Variants in BCAS3 observed in about 807,000 individuals in gnomAD.
BCAS3 encodes BCAS3 microtubule associated cell migration factor.
In BCAS3, 53 loss-of-function variants were observed where a neutral mutation model predicts 116.1. The ratio of observed to expected loss-of-function variants is 0.46; its 90% CI spans 0.37 to 0.57. The LOEUF is 0.57. Ranked by LOEUF, BCAS3 falls within the 20% of genes least tolerant of loss-of-function variation. The pLI is 0.00. For missense variants in BCAS3, 917 were observed against 1,165.4 expected (o/e 0.79, Z 3.10); for synonymous variants, 391 against 408.2 (o/e 0.96, Z 0.51).
intron 6 of BCAS3, among the ~76,000 whole-genome samples, chr17:60,759,438 C>G (rs1294309263): frequency 6.6e-6 from 1 of 152,090 alleles, no homozygotes; most frequent in Non-Finnish European, 1.5e-5. Flanking sequence ...GATTTTCTGT[C>G]TGAGTGATCT....
intron 6 of BCAS3, among the ~76,000 whole-genome samples, chr17:60,757,046 G>C (rs10853021): frequency 0.73 from 110,194 of 151,786 alleles, 45,689 homozygotes; most frequent in South Asian, 0.98. Context: ...GCCTGTAGTC[G>C]CAGCTACTCG....
intron 22 of BCAS3, among the ~76,000 whole-genome samples, chr17:61,257,312 G>A (rs560639732): frequency 2.7e-5 from 4 of 150,916 alleles, no homozygotes; most frequent in Admixed American, 1.3e-4. Flanking sequence ...TCCCAGCTAC[G>A]CAGGAGGCTA....
chr17:60,900,228 T>C (rs2057794945), intron 10 of BCAS3: 1 of 151,392 alleles, frequency 6.6e-6, no homozygotes. Context: ...AAAGAAAATA[T>C]TGTCTTGCTA....
chr17:60,770,786 G>A (rs1033606864), intron 6 of BCAS3, among the ~76,000 whole-genome samples: 1 of 147,132 alleles, frequency 6.8e-6, no homozygotes, highest in Non-Finnish European at 1.5e-5. Context: ...TGGAGGAGGT[G>A]CATACTATCT....
In BCAS3 at chr17:60,995,325, G is replaced by A. The variant is rs1257317058; in HGVS notation, c.1486+5090G>A. 1.3e-5 allele frequency among the ~76,000 whole-genome samples: 2 copies of A among 152,198 alleles called. No homozygotes were observed. Among genetic ancestry groups the A allele is most frequent in the African/African-American group, 2.4e-5 (1 of 41,542 alleles). ...CCGCCACCATGCCTGGCTAATTTTT[G>A]TATATTTAGTGGAGACAAGGTTTCA... On this transcript the variant is annotated intron_variant, in intron 15 of 23. Transcript: ENST00000407086. This position sits in a 1 kb window ranked among gnomAD's most constrained non-coding sequence, Gnocchi z 4.7.
At chr17:61,135,507 G>A (rs1298243970) in intron 22 of BCAS3, among the ~76,000 whole-genome samples, 2 of 152,194 alleles carry the variant, frequency 1.3e-5, no homozygotes, top group African/African-American at 4.8e-5. Flanking sequence ...AAGACAGTCA[G>A]TACTTCCAAA....
chr17:61,187,142 T>C (rs1356352625), intron 22 of BCAS3, among the ~76,000 whole-genome samples: 1 of 152,228 alleles, frequency 6.6e-6, no homozygotes, highest in African/African-American at 2.4e-5. Context: ...GTTATTTTTA[T>C]TGAGTCAACT....
rs899473367 is a variant in BCAS3, at chr17:61,322,860, G to C, written c.2426-45467G>C. 2.3e-3 allele frequency among the ~76,000 whole-genome samples: 336 copies of C among 147,040 alleles called. 3 individuals carry two copies. The highest frequency in any genetic ancestry group is 1.8e-3 in the Non-Finnish European group (122 of 66,826). On this transcript the variant is annotated intron_variant, in intron 22 of 23. Coordinates refer to ENST00000407086, the MANE Select transcript of BCAS3 (RefSeq NM_017679.5). Reference sequence around the variant, plus strand: ...AGAGAGAGAGAGAGAGAGAGACAGAGAGAGAGAGAGAGAGAGAGAGGTGGT... The same window carrying C: ...AGAGAGAGAGAGAGAGAGAGACAGACAGAGAGAGAGAGAGAGAGAGGTGGT...
chr17:61,280,543 T>C (rs553815944), intron 22 of BCAS3, among the ~76,000 whole-genome samples: 2 of 152,342 alleles, frequency 1.3e-5, no homozygotes, highest in East Asian at 3.9e-4. Context: ...ACATCTTGTA[T>C]GAGTAATTTA....
At chr17:60,882,473 T>C (rs1214930771) in intron 9 of BCAS3, among the ~76,000 whole-genome samples, 1 of 151,904 alleles carries the variant, frequency 6.6e-6, no homozygotes, top group Non-Finnish European at 1.5e-5. Flanking sequence ...ATTTTGTCTT[T>C]TGTTGCCATT....
At chr17:60,951,927 A>G (rs2060862126) in intron 14 of BCAS3, among the ~76,000 whole-genome samples, 1 of 151,158 alleles carries the variant, frequency 6.6e-6, no homozygotes, top group South Asian at 2.1e-4. Flanking sequence ...ACCCGCCACC[A>G]CACCTAGCTA....
chr17:61,111,459 T>C (rs2075085802), intron 22 of BCAS3, among the ~76,000 whole-genome samples: 1 of 151,556 alleles, frequency 6.6e-6, no homozygotes, highest in Non-Finnish European at 1.5e-5. Context: ...CAGGAGCCAA[T>C]GCGATCAACT....
At chr17:60,911,576 G>A (rs1019516682) in intron 12 of BCAS3, among the ~76,000 whole-genome samples, 3 of 152,188 alleles carry the variant, frequency 2.0e-5, no homozygotes, top group Non-Finnish European at 2.9e-5. Flanking sequence ...GGGATTACAG[G>A]CATGAGCCAC....
chr17:61,182,550 G>A (rs535800364), intron 22 of BCAS3, among the ~76,000 whole-genome samples: 3 of 151,974 alleles, frequency 2.0e-5, no homozygotes, highest in Non-Finnish European at 4.4e-5. Context: ...TTCATCCATG[G>A]TAAGTATACA....
chr17:60,968,242 G>A lies in BCAS3; in HGVS notation c.1221+20890G>A, dbSNP rs565213947. On this transcript the variant is annotated intron_variant, in intron 14 of 23. Coordinates refer to ENST00000407086, the MANE Select transcript of BCAS3 (RefSeq NM_017679.5). ...TTTTTTTTAATCCTTTTAGAGTCAG[G>A]GCTCATTTTGTTGCCCAGGCTGGAG... 5.9e-5 allele frequency among the ~76,000 whole-genome samples: 9 copies of A among 151,894 alleles called. No individual in the cohort carries two copies. The South Asian group carries it at 1.7e-3, about 28-fold the overall frequency.
At chr17:60,916,741 C>T (rs2058798456) in intron 12 of BCAS3, among the ~76,000 whole-genome samples, 1 of 151,880 alleles carries the variant, frequency 6.6e-6, no homozygotes, top group Admixed American at 6.6e-5. Context: ...CTACAGTGGA[C>T]ACAATCAAGA....
intron 9 of BCAS3, among the ~76,000 whole-genome samples, chr17:60,887,704 T>C (rs1900745367): frequency 6.6e-6 from 1 of 152,236 alleles, no homozygotes; most frequent in South Asian, 2.1e-4. Flanking sequence ...GCTCAGACTT[T>C]TTATTTGTCC....
intron 14 of BCAS3, among the ~76,000 whole-genome samples, chr17:60,973,999 ATTAT>A (rs2062139780): frequency 6.6e-6 from 1 of 152,184 alleles, no homozygotes; most frequent in Non-Finnish European, 1.5e-5. Context: ...TACCAGAGTT[ATTAT>A]TTAAGTATTC....
chr17:60,895,227 C>G (rs996204101), intron 10 of BCAS3, among the ~76,000 whole-genome samples: 1 of 152,274 alleles, frequency 6.6e-6, no homozygotes, highest in South Asian at 2.1e-4. Context: ...CCTACTCACT[C>G]TCACTACTCA....
Sources: allele counts gnomAD v4.1 joint callset (sites outside exome capture counted in the v4.1 genomes callset), GRCh38; gene constraint gnomAD v4.1.1; non-coding constraint Gnocchi (gnomAD v3.1); transcripts MANE v1.5; gene names NCBI Gene and HGNC (gene_info 2026-07-23, HGNC 2026-07-21).